Variants in NRXN1 observed in about 807,000 individuals in gnomAD.
The protein encoded by NRXN1 is neurexin 1.
Under a neutral mutation model 150.9 loss-of-function variants are expected in NRXN1, and 39 were observed. The ratio of observed to expected loss-of-function variants is 0.26; its 90% confidence interval spans 0.20 to 0.34. The LOEUF (loss-of-function observed/expected upper bound fraction) is 0.34, where lower values mean the gene tolerates loss of function less well. Among genes scored for constraint, NRXN1 ranks in the 10% least tolerant of loss-of-function variants. The pLI, the probability that NRXN1 is intolerant of heterozygous loss-of-function variation, is 1.00. For missense variants in NRXN1, 1,815 were observed against 1,949.9 expected, an observed-to-expected ratio of 0.93 and a Z score of 1.30; for synonymous variants, 924 against 757.0, an observed-to-expected ratio of 1.22 and a Z score of -3.62.
intron 21 of NRXN1, among the ~76,000 whole-genome samples, chr2:49,999,991 A>C (rs1683638319): frequency 6.6e-6 from 1 of 152,188 alleles, no homozygotes; most frequent in Non-Finnish European, 1.5e-5. Flanking sequence ...AAGGTATATT[A>C]AATAGAACCT....
chr2:50,545,862 A>G (rs2093481316), intron 9 of NRXN1, among the ~76,000 whole-genome samples: 1 of 152,144 alleles, frequency 6.6e-6, no homozygotes, highest in South Asian at 2.1e-4. Flanking sequence ...CATATAACCT[A>G]TGCACATCCT....
At chr2:50,439,201 G>C (rs1302805175) in intron 17 of NRXN1, among the ~76,000 whole-genome samples, 1 of 152,212 alleles carries the variant, frequency 6.6e-6, no homozygotes, top group Non-Finnish European at 1.5e-5. Context: ...CAATGCAGTT[G>C]TAGCTAGGTT....
intron 18 of NRXN1, among the ~76,000 whole-genome samples, chr2:50,229,497 C>T (rs1046298876): frequency 3.9e-5 from 6 of 151,974 alleles, no homozygotes; most frequent in African/African-American, 1.4e-4. Flanking sequence ...TCCTTAATAA[C>T]GTGCTTGCAT....
intron 2 of NRXN1, among the ~76,000 whole-genome samples, chr2:50,951,802 C>CA (rs1271148843): frequency 1.3e-5 from 2 of 151,316 alleles, no homozygotes; most frequent in Non-Finnish European, 2.9e-5. Context: ...TATGTTTCCT[C>CA]ATATTTTTCC....
chr2:50,923,045 G>C (rs1211985821), intron 3 of NRXN1, among the ~76,000 whole-genome samples: 1 of 151,766 alleles, frequency 6.6e-6, no homozygotes, highest in Non-Finnish European at 1.5e-5. Context: ...CACAGGGCTT[G>C]TAATTCTTCA....
At chr2:50,386,992 G>C (rs2081370618) in intron 17 of NRXN1, among the ~76,000 whole-genome samples, 1 of 152,150 alleles carries the variant, frequency 6.6e-6, no homozygotes, top group African/African-American at 2.4e-5. Context: ...CTAGTGCATA[G>C]TATCCGAAGT....
intron 4 of NRXN1, 79 bp downstream of exon 4, chr2:50,922,579 C>T: frequency 7.2e-7 from 1 of 1,386,358 alleles, no homozygotes; most frequent in Non-Finnish European, 1.0e-6. Flanking sequence ...ATTTGCCCAT[C>T]CTTTGCAGTG....
chr2:50,114,518 A>G (rs1197513177), intron 18 of NRXN1, among the ~76,000 whole-genome samples: 4 of 152,196 alleles, frequency 2.6e-5, no homozygotes, highest in African/African-American at 9.6e-5. Context: ...ATTTAACCAG[A>G]AGAGCTGAGA....
intron 21 of NRXN1, among the ~76,000 whole-genome samples, chr2:49,959,659 G>A (rs1179901911): frequency 6.6e-6 from 1 of 152,114 alleles, no homozygotes; most frequent in Non-Finnish European, 1.5e-5. Flanking sequence ...TAAATGGGAG[G>A]GATGCACTGC....
intron 2 of NRXN1, among the ~76,000 whole-genome samples, chr2:51,023,968 C>T (rs1455229216): frequency 6.6e-6 from 1 of 152,130 alleles, no homozygotes; most frequent in Non-Finnish European, 1.5e-5. Context: ...AAAGTGAAAA[C>T]AGTCCAATGT....
At chr2:50,719,984 G>A (rs929170802) in intron 5 of NRXN1, among the ~76,000 whole-genome samples, 1 of 152,098 alleles carries the variant, frequency 6.6e-6, no homozygotes, top group East Asian at 1.9e-4. Context: ...GCCCTCAGAC[G>A]TGTACAAATA....
rs1671085358 is a variant in NRXN1 at position 51,029,131 on chromosome 2, T to C, written c.-858A>G. 6.6e-6 allele frequency: 1 copy of C among 152,252 alleles called. No homozygotes were observed. The highest frequency in any genetic ancestry group is 1.5e-5 in the Non-Finnish European group (1 of 68,054). 9.4% of individuals were successfully genotyped at this position (152,252 alleles called of 1,614,324 possible). ...AGGGCCAAGCTAAGATGCCAGCACA[T>C]CAATTGGTTGTGTGTTGGTGATGCA... On this transcript the variant is annotated 5_prime_UTR_variant, in exon 2 of 23. The change abolishes an upstream ATG in the 5' untranslated region. Transcript: ENST00000401669.
In NRXN1 at chr2:50,058,999, T is replaced by G. The variant is rs1214847430; in HGVS notation, c.3719-3955A>C. On this transcript the variant is annotated intron_variant, in intron 19 of 22. Coordinates refer to ENST00000401669, the MANE Select transcript of NRXN1 (RefSeq NM_001330078.2). ...GACTAATATAGTAAATTAGTACTGG[T>G]AAAGTGGAGTACTGTTATTAAGATA... Among the ~76,000 whole-genome samples, 6 of 152,286 alleles carry G rather than the reference T, an allele frequency of 3.9e-5. 1 individual carries two copies. In the South Asian group the frequency reaches 1.2e-3, roughly 32 times the overall value.
chr2:50,534,099 G>GCACA (rs10544475), intron 10 of NRXN1, among the ~76,000 whole-genome samples: 5,187 of 147,178 alleles, frequency 0.035, 225 homozygotes, highest in African/African-American at 0.12. Context: ...ATCAATAATT[G>GCACA]CACACACACA....
At chr2:50,432,262 C>T (rs1016850121) in intron 17 of NRXN1, 3 of 152,180 alleles carry the variant, frequency 2.0e-5, no homozygotes, top group Non-Finnish European at 4.4e-5. Flanking sequence ...CAGAAAATAA[C>T]TACCTCTTAC....
At chr2:50,490,542 A>C (rs2091191800) in intron 15 of NRXN1, among the ~76,000 whole-genome samples, 1 of 152,092 alleles carries the variant, frequency 6.6e-6, no homozygotes, top group African/African-American at 2.4e-5. Context: ...TACTGGGGGG[A>C]ATTGGAAAGT....
intron 5 of NRXN1, among the ~76,000 whole-genome samples, chr2:50,666,416 G>C (rs1688027329): frequency 6.6e-6 from 1 of 151,908 alleles, no homozygotes; most frequent in Non-Finnish European, 1.5e-5. Context: ...ATAATGGCTA[G>C]ATTATAGGGT....
intron 18 of NRXN1, among the ~76,000 whole-genome samples, chr2:50,200,718 G>C (rs2062098053): frequency 6.6e-6 from 1 of 152,074 alleles, no homozygotes; most frequent in African/African-American, 2.4e-5. Flanking sequence ...ATATAACCCA[G>C]ATACAATGAA....
At chr2:50,977,421 C>CT (rs1479518801) in intron 2 of NRXN1, among the ~76,000 whole-genome samples, 1 of 151,664 alleles carries the variant, frequency 6.6e-6, no homozygotes, top group Non-Finnish European at 1.5e-5. Context: ...ATTATATATA[C>CT]TTTTTATGAA....
Sources: gnomAD v4.1 joint callset for allele counts (sites outside exome capture counted in the v4.1 genomes callset) on GRCh38, gnomAD v4.1.1 for gene constraint, MANE v1.5 for transcripts, NCBI Gene and HGNC (gene_info 2026-07-23, HGNC 2026-07-21) for gene names.